PRKCH: variants seen among roughly 807,000 people sequenced by gnomAD.
The protein encoded by PRKCH is protein kinase C eta.
In PRKCH, 28 loss-of-function variants were observed where a neutral mutation model predicts 82.5. The observed-to-expected ratio is 0.34, with a 90% confidence interval of 0.25 to 0.47. The LOEUF (loss-of-function observed/expected upper bound fraction) is 0.47, where lower values mean the gene tolerates loss of function less well. Among genes scored for constraint, PRKCH ranks in the 20% least tolerant of loss-of-function variants. PRKCH has a pLI of 1.00. For synonymous variants in PRKCH, 322 were observed against 327.4 expected, an observed-to-expected ratio of 0.98 and a Z score of 0.18; for missense variants, 705 against 881.8, an observed-to-expected ratio of 0.80 and a Z score of 2.54.
chr14:61,404,400 C>G (rs570825440), intron 2 of PRKCH, among the ~76,000 whole-genome samples: 2 of 152,230 alleles, frequency 1.3e-5, no homozygotes, highest in African/African-American at 4.8e-5. Flanking sequence ...TACAAAATGT[C>G]CTGGGTCAAG....
intron 10 of PRKCH, chr14:61,492,411 A>G (rs894976663): frequency 1.1e-4 from 16 of 152,250 alleles, no homozygotes; most frequent in African/African-American, 1.4e-4. Context: ...GGGCCAAGTT[A>G]TCTTTTACAG....
At chr14:61,239,491 CG>C (rs1235490778) in intron 1 of PRKCH, among the ~76,000 whole-genome samples, 1 of 152,158 alleles carries the variant, frequency 6.6e-6, no homozygotes, top group African/African-American at 2.4e-5. Context: ...TCGAGGTACC[CG>C]GATGGCCTCT....
intron 10 of PRKCH, among the ~76,000 whole-genome samples, chr14:61,499,624 T>C (rs1886811256): frequency 6.6e-6 from 1 of 152,176 alleles, no homozygotes. Context: ...AAATTTACTG[T>C]GTTCCGCTGA....
chr14:61,325,846 C>T (rs2045688470), intron 1 of PRKCH, among the ~76,000 whole-genome samples: 1 of 152,104 alleles, frequency 6.6e-6, no homozygotes, highest in South Asian at 2.1e-4. Flanking sequence ...TGCCAAATAG[C>T]ACATTAAAAG....
Position 61,450,826 on chromosome 14 carries a change from A to G in PRKCH, c.703-16A>G. 1 of 1,610,962 alleles carries G rather than the reference A, an allele frequency of 6.2e-7. No homozygotes were observed. The highest frequency in any genetic ancestry group is 1.1e-5 in the South Asian group (1 of 90,584). On this transcript the variant is annotated splice_polypyrimidine_tract_variant and intron_variant, in intron 5 of 13. Coordinates refer to ENST00000332981, the MANE Select transcript of PRKCH (RefSeq NM_006255.5). ...ATGACATTTTAGCTCTTGTCCCTTT[A>G]TTTCCTTTTTTACAGATTGCAGAAC... is the stretch of plus-strand genomic sequence containing the variant.
chr14:61,420,675 A>G (rs1206489155), intron 2 of PRKCH, among the ~76,000 whole-genome samples: 2 of 152,226 alleles, frequency 1.3e-5, no homozygotes, highest in Non-Finnish European at 2.9e-5. Context: ...AAAAGATCGC[A>G]TGACCACTAC....
At chr14:61,230,715 C>A (rs150727123) in intron 1 of PRKCH, among the ~76,000 whole-genome samples, 36 of 152,290 alleles carry the variant, frequency 2.4e-4, no homozygotes, top group African/African-American at 7.9e-4. Context: ...CAATGGTTTT[C>A]TGTGGGATCC....
intron 1 of PRKCH, among the ~76,000 whole-genome samples, chr14:61,201,935 G>A (rs1477708487): frequency 6.6e-6 from 1 of 152,174 alleles, no homozygotes; most frequent in Non-Finnish European, 1.5e-5. Flanking sequence ...ATTATGGAGT[G>A]AGATTTTTAC....
chr14:61,280,557 G>A lies in PRKCH; in HGVS notation c.-19+92889G>A. On this transcript the variant is annotated intron_variant, in intron 1 of 3. Transcript: ENST00000555185. The surrounding 1 kb of genome is among the most constrained non-coding windows in gnomAD (Gnocchi z 5.0). ...ACTTGACGTGGTAGTCGGTCCACCA[G>A]GCGATGCCGGAGCGGTCGAGCGGCA... is the stretch of plus-strand genomic sequence containing the variant. The A allele has an allele frequency of 6.2e-7, 1 of 1,610,126 alleles. No homozygotes were observed. Among genetic ancestry groups the A allele is most frequent in the Non-Finnish European group, 8.5e-7 (1 of 1,178,564 alleles).
intron 1 of PRKCH, among the ~76,000 whole-genome samples, chr14:61,342,790 G>C (rs185606095): frequency 1.3e-5 from 2 of 152,338 alleles, no homozygotes; most frequent in Admixed American, 1.3e-4. Flanking sequence ...CAGGCTCACT[G>C]ACTACCACAT....
Position 61,445,682 on chromosome 14 carries a change from T to A in PRKCH, c.579-10T>A, listed in dbSNP as rs1884187065. 5 of 1,607,546 alleles carry A rather than the reference T, an allele frequency of 3.1e-6. No individual in the cohort carries two copies. The highest frequency in any genetic ancestry group is 4.3e-6 in the Non-Finnish European group (5 of 1,174,030). On this transcript the variant is annotated splice_polypyrimidine_tract_variant and intron_variant, in intron 3 of 13. Coordinates refer to ENST00000332981, the MANE Select transcript of PRKCH (RefSeq NM_006255.5). ...TACTTGACTGATGGTAGTTTTCTTC[T>A]CTTCAACAGGGGAGTGTTTGGGAAA...
intron 1 of PRKCH, among the ~76,000 whole-genome samples, chr14:61,275,228 C>T (rs80286077): frequency 0.044 from 6,683 of 152,256 alleles, 195 homozygotes; most frequent in Non-Finnish European, 0.064. Context: ...AGAACATCAC[C>T]TACTTTTATA....
At chr14:61,499,932 T>G (rs1886826886) in intron 10 of PRKCH, among the ~76,000 whole-genome samples, 1 of 151,494 alleles carries the variant, frequency 6.6e-6, no homozygotes, top group South Asian at 2.1e-4. Flanking sequence ...TGTGGAGATA[T>G]GTGAAGGCAG....
intron 1 of PRKCH, among the ~76,000 whole-genome samples, chr14:61,308,562 T>A (rs532570929): frequency 6.6e-6 from 1 of 152,234 alleles, no homozygotes; most frequent in Non-Finnish European, 1.5e-5. Context: ...AGCACTTGTG[T>A]CTTTCTTGCT....
intron 1 of PRKCH, among the ~76,000 whole-genome samples, chr14:61,272,502 C>T (rs1172577531): frequency 2.0e-5 from 3 of 151,460 alleles, no homozygotes; most frequent in South Asian, 2.1e-4. Flanking sequence ...TACAGGCACA[C>T]GCCACCACGG....
intron 10 of PRKCH, among the ~76,000 whole-genome samples, chr14:61,526,330 A>G (rs989106880): frequency 2.6e-5 from 4 of 152,172 alleles, no homozygotes; most frequent in Non-Finnish European, 1.5e-5. Flanking sequence ...GTGCACAGGT[A>G]CTCAGCATGC....
chr14:61,504,621 C>T (rs1245707560), intron 10 of PRKCH, among the ~76,000 whole-genome samples: 1 of 152,168 alleles, frequency 6.6e-6, no homozygotes, highest in Non-Finnish European at 1.5e-5. Context: ...AGGGGTCCCT[C>T]TGTAGGAGGG....
chr14:61,280,524 G>A lies in PRKCH; in HGVS notation c.-19+92856G>A. ...CCAGGCTGCCGTTGACCAGCGGCGG[G>A]TTGCGGAACTTGACGTGGTAGTCGG... On this transcript the variant is annotated intron_variant, in intron 1 of 3. Coordinates refer to the PRKCH transcript ENST00000555185. This position sits in a 1 kb window ranked among gnomAD's most constrained non-coding sequence, Gnocchi z 5.0. 2.5e-6 allele frequency: 4 copies of A among 1,612,678 alleles called. No homozygotes were observed. The Admixed American group carries it at 5.0e-5, about 20-fold the overall frequency.
chr14:61,336,871 C>A (rs890401423), intron 1 of PRKCH, among the ~76,000 whole-genome samples: 6 of 152,030 alleles, frequency 3.9e-5, no homozygotes, highest in Admixed American at 2.0e-4. Flanking sequence ...GAGTTCGAGA[C>A]CAACCTAGCC....
Sources: allele counts gnomAD v4.1 joint callset (sites outside exome capture counted in the v4.1 genomes callset), GRCh38; gene constraint gnomAD v4.1.1; non-coding constraint Gnocchi (gnomAD v3.1); transcripts MANE v1.5; gene names NCBI Gene and HGNC (gene_info 2026-07-23, HGNC 2026-07-21).